RAC1: variants seen among roughly 807,000 people sequenced by gnomAD.
RAC1 encodes the protein Rac family small GTPase 1, also known as ras-related C3 botulinum toxin substrate 1.
A neutral mutation model predicts 25.2 loss-of-function variants in RAC1; 2 were observed. That is an observed-to-expected ratio of 0.08 (90% CI 0.03 to 0.25). The LOEUF (loss-of-function observed/expected upper bound fraction) is 0.25. RAC1 is among the 10% of genes least tolerant of loss of function. The pLI, the probability that RAC1 is intolerant of heterozygous loss-of-function variation, is 1.00. For synonymous variants in RAC1, 88 were observed against 94.0 expected, an observed-to-expected ratio of 0.94 and a Z score of 0.37; for missense variants, 50 against 235.7, an observed-to-expected ratio of 0.21 and a Z score of 5.16.
chr7:6,380,006 A>T (rs1187362256), intron 1 of RAC1, among the ~76,000 whole-genome samples: 1 of 152,194 alleles, frequency 6.6e-6, no homozygotes, highest in African/African-American at 2.4e-5. Flanking sequence ...CTTTATACAA[A>T]GTGGAGTCCA....
intron 3 of RAC1, chr7:6,399,906 C>T: frequency 5.2e-6 from 3 of 575,452 alleles, no homozygotes; most frequent in Admixed American, 6.2e-5. Flanking sequence ...ATTCTCCCTT[C>T]ATGCTCCCCA....
rs146417658 is a variant in RAC1 at position 6,379,045 on chromosome 7, C to T, written c.35+4275C>T. 1.6e-4 allele frequency among the ~76,000 whole-genome samples: 25 copies of T among 151,534 alleles called. No individual in the cohort carries two copies. In the East Asian group the frequency reaches 4.5e-3, roughly 27 times the overall value. ...GGTGGAAGTTGCAGTGAGCCAATAT[C>T]GTGCCACTGCACTCCAGCCTGGGTA... On this transcript the variant is annotated intron_variant, in intron 1 of 5. Transcript: ENST00000348035.
At position 6,403,596 on chromosome 7, in the gene RAC1, GT is replaced by G. The variant is rs1433646584; in HGVS notation, c.*1155del. On this transcript the variant is annotated 3_prime_UTR_variant, in exon 6 of 6. Transcript: ENST00000348035. ...AAAAATCATGTGTTGCAGCTTTATA[GT>G]TTTTAAAATATTTTAGATAATTCTT... The G allele has an allele frequency of 9.3e-6, 2 of 215,540 alleles. No homozygotes were observed. The highest frequency in any genetic ancestry group is 9.4e-6 in the Non-Finnish European group (1 of 106,776). The allele number at this position is 215,540 out of a possible 1,614,324, so 13.4% of individuals were successfully genotyped here.
At chr7:6,398,216 C>T (rs2115211243) in intron 3 of RAC1, among the ~76,000 whole-genome samples, 1 of 152,344 alleles carries the variant, frequency 6.6e-6, no homozygotes, top group Non-Finnish European at 1.5e-5. Flanking sequence ...AGCCCTTTGG[C>T]AGGCATCATT....
At chr7:6,400,513 G>GT (rs35874605) in intron 4 of RAC1, among the ~76,000 whole-genome samples, 2,137 of 152,158 alleles carry the variant, frequency 0.014, 34 homozygotes, top group South Asian at 0.028. Flanking sequence ...AAGAATTTTT[G>GT]TATGGCTGGT....
At chr7:6,399,465 G>A (rs966310507) in intron 3 of RAC1, among the ~76,000 whole-genome samples, 1 of 152,244 alleles carries the variant, frequency 6.6e-6, no homozygotes, top group South Asian at 2.1e-4. Context: ...GATGTTTGGC[G>A]TGTGCCCCGA....
intron 3 of RAC1, among the ~76,000 whole-genome samples, chr7:6,396,867 A>G (rs1783251087): frequency 2.0e-5 from 3 of 152,072 alleles, no homozygotes; most frequent in Non-Finnish European, 4.4e-5. Context: ...CGTCTCTACT[A>G]AAAATACAAA....
At chr7:6,377,573 C>T (rs946426974) in intron 1 of RAC1, among the ~76,000 whole-genome samples, 11 of 150,898 alleles carry the variant, frequency 7.3e-5, no homozygotes, top group African/African-American at 2.7e-4. Flanking sequence ...CCAGCCCGTG[C>T]GACAGAGTGA....
intron 1 of RAC1, chr7:6,375,948 T>A (rs1250989859): frequency 6.6e-6 from 1 of 152,054 alleles, no homozygotes; most frequent in Non-Finnish European, 1.5e-5. Flanking sequence ...TTACTACCAG[T>A]TTAATCAAAC....
rs979643853 is a variant in RAC1 at position 6,395,208 on chromosome 7, C to T, written c.225+3167C>T. Among the ~76,000 whole-genome samples, 12 of 152,140 alleles carry T rather than the reference C, an allele frequency of 7.9e-5. No individual in the cohort carries two copies. The South Asian group carries it at 1.2e-3, about 16-fold the overall frequency. The stretch of plus-strand genomic sequence containing the variant: ...CTCCAACTCCTGACCTCAGGTGATC[C>T]GCCTGCCTCTGCCTCCCAAAGTGCT... On this transcript the variant is annotated intron_variant, in intron 3 of 5. Coordinates refer to ENST00000348035, the MANE Select transcript of RAC1 (RefSeq NM_006908.5).
intron 1 of RAC1, among the ~76,000 whole-genome samples, chr7:6,376,253 G>T (rs1782589634): frequency 7.7e-6 from 1 of 129,136 alleles, no homozygotes; most frequent in Non-Finnish European, 1.5e-5. Flanking sequence ...CACGATTTCG[G>T]CTCACTACAA....
intron 3 of RAC1, among the ~76,000 whole-genome samples, chr7:6,392,305 C>T (rs1441849557): frequency 6.6e-6 from 1 of 152,136 alleles, no homozygotes; most frequent in Non-Finnish European, 1.5e-5. Flanking sequence ...GAAAGAGCTA[C>T]TTTTTGTTTT....
rs1208272882 is a variant in RAC1 at position 6,402,683 on chromosome 7, C to T, written c.*237C>T. The T allele has an allele frequency of 2.7e-6, 1 of 376,424 alleles. No homozygotes were observed. Among genetic ancestry groups the T allele is most frequent in the Non-Finnish European group, 4.6e-6 (1 of 218,058 alleles). The allele number at this position is 376,424 out of a possible 1,614,324, so 23.3% of individuals were successfully genotyped here. A position where few individuals can be genotyped will look rare whatever the true frequency, so the allele number is the denominator to read the frequency against. Reference sequence around the variant, plus strand: ...GACTCACATTCTATTAAAATTTAGCCCTAAAATGACAAGCCTTCTTAAAGC... The same window carrying T: ...GACTCACATTCTATTAAAATTTAGCTCTAAAATGACAAGCCTTCTTAAAGC... On this transcript the variant is annotated 3_prime_UTR_variant, in exon 6 of 6. Coordinates refer to ENST00000348035, the MANE Select transcript of RAC1 (RefSeq NM_006908.5).
chr7:6,380,293 G>T (rs907038527), intron 1 of RAC1, among the ~76,000 whole-genome samples: 5 of 152,016 alleles, frequency 3.3e-5, no homozygotes, highest in Admixed American at 3.3e-4. Context: ...TCCAAATGTA[G>T]GTGTAGTATA....
intron 1 of RAC1, among the ~76,000 whole-genome samples, chr7:6,385,996 G>T (rs181802014): frequency 6.6e-6 from 1 of 152,124 alleles, no homozygotes; most frequent in South Asian, 2.1e-4. Context: ...TAATGATGTG[G>T]TGACCTTAGT....
chr7:6,383,017 T>C (rs1782815002), intron 1 of RAC1, among the ~76,000 whole-genome samples: 1 of 152,236 alleles, frequency 6.6e-6, no homozygotes, highest in South Asian at 2.1e-4. Flanking sequence ...GGAAATCCAA[T>C]GTAGAAATGG....
chr7:6,399,528 A>G (rs1479728939), intron 3 of RAC1, among the ~76,000 whole-genome samples: 1 of 152,210 alleles, frequency 6.6e-6, no homozygotes, highest in African/African-American at 2.4e-5. Flanking sequence ...TGCGTCAGCC[A>G]CAGCTGCCCC....
At chr7:6,379,883 G>C (rs577136185) in intron 1 of RAC1, among the ~76,000 whole-genome samples, 11 of 152,306 alleles carry the variant, frequency 7.2e-5, no homozygotes, top group African/African-American at 2.6e-4. Flanking sequence ...CAAAGTGATG[G>C]AATTACAGGC....
rs1783474190 is a variant in RAC1 at position 6,403,329 on chromosome 7, C to G, written c.*883C>G. 4.8e-6 allele frequency: 1 copy of G among 208,828 alleles called. No homozygotes were observed. The highest frequency in any genetic ancestry group is 9.8e-6 in the Non-Finnish European group (1 of 102,512). 12.9% of individuals were successfully genotyped at this position (208,828 alleles called of 1,614,324 possible). A position where few individuals can be genotyped will look rare whatever the true frequency, so the allele number is the denominator to read the frequency against. On this transcript the variant is annotated 3_prime_UTR_variant, in exon 6 of 6. Transcript: ENST00000348035. ...TCTTAAGCTTTTCCTTTCTCTTACACCTGCCATGCCTCCCCAAATTGGGCA... is the reference window on the plus strand; with the variant it reads ...TCTTAAGCTTTTCCTTTCTCTTACAGCTGCCATGCCTCCCCAAATTGGGCA...
Sources: allele counts gnomAD v4.1 joint callset (sites outside exome capture counted in the v4.1 genomes callset), GRCh38; gene constraint gnomAD v4.1.1; transcripts MANE v1.5; gene names NCBI Gene and HGNC (gene_info 2026-07-23, HGNC 2026-07-21).